MYBPC1: variants seen among roughly 807,000 people sequenced by gnomAD.
The protein encoded by MYBPC1 is myosin-binding protein C, slow-type.
In MYBPC1, 52 loss-of-function variants were observed where a neutral mutation model predicts 147.1. The ratio of observed to expected loss-of-function variants is 0.35; its 90% CI spans 0.28 to 0.45. The LOEUF (loss-of-function observed/expected upper bound fraction) is 0.45. Among genes scored for constraint, MYBPC1 ranks in the 20% least tolerant of loss-of-function variants. MYBPC1 has a pLI of 1.00. For synonymous variants in MYBPC1, 477 were observed against 475.9 expected, an observed-to-expected ratio of 1.00 and a Z score of -0.03; for missense variants, 1,228 against 1,440.3, an observed-to-expected ratio of 0.85 and a Z score of 2.39.
chr12:101,634,658 A>G, intron 9 of MYBPC1, 53 bp downstream of exon 9: 2 of 1,391,146 alleles, frequency 1.4e-6, no homozygotes, highest in Non-Finnish European at 2.0e-6. Context: ...GAAGTGGAGG[A>G]TTTTCAAACA....
At position 101,642,428 on chromosome 12, in the gene MYBPC1, G is replaced by A. The variant is rs376374877; in HGVS notation, c.675G>A (p.Lys225=). Residue 225 remains lysine, a synonymous_variant, in exon 11 of 32, where the codon AAG becomes AAA. Transcript: ENST00000361466. ...FSGLLKRREV[K]QQEEEPQVDV... is the part of the protein sequence containing the mutation. ...GGTTCTCCCCGGTTAGGGAGGTGAAGCAGCAGGAGGAAGAACCCCAGGTGG... is the reference window on the plus strand; with the variant it reads ...GGTTCTCCCCGGTTAGGGAGGTGAAACAGCAGGAGGAAGAACCCCAGGTGG... 5.6e-6 allele frequency: 9 copies of A among 1,614,014 alleles called. No homozygotes were observed. Among genetic ancestry groups the A allele is most frequent in the Non-Finnish European group, 7.6e-6 (9 of 1,180,044 alleles).
chr12:101,661,541 G>C (rs189253559), intron 20 of MYBPC1, among the ~76,000 whole-genome samples: 182 of 152,134 alleles, frequency 1.2e-3, no homozygotes, highest in African/African-American at 4.2e-3. Context: ...CACCATCCTA[G>C]CCAGTGAACG....
rs1184689152 is a variant in MYBPC1, at chr12:101,662,624, G to T, written c.2221+78G>T. On this transcript the variant is annotated intron_variant, in intron 21 of 31. Coordinates refer to ENST00000361466, the MANE Select transcript of MYBPC1 (RefSeq NM_002465.4). ...ACTGCTTTCTCTCTGATCCCTAACTGGAACAGGCCTGGACACTTCTTAGAG... is the reference window on the plus strand; with the variant it reads ...ACTGCTTTCTCTCTGATCCCTAACTTGAACAGGCCTGGACACTTCTTAGAG... 54 of 1,507,624 alleles carry T rather than the reference G, an allele frequency of 3.6e-5. 2 individuals carry two copies. The highest frequency in any genetic ancestry group is 3.6e-5 in the Non-Finnish European group (39 of 1,087,082). The allele number at this position is 1,507,624 out of a possible 1,614,324, so 93.4% of individuals were successfully genotyped here.
chr12:101,690,746 T>G (rs941531051), downstream of MYBPC1, among the ~76,000 whole-genome samples: 14 of 152,170 alleles, frequency 9.2e-5, no homozygotes, highest in Non-Finnish European at 7.4e-5. Context: ...ATTGCGAAAT[T>G]TTGTTTTCTG....
At chr12:101,686,159 A>G (rs540163430), downstream of MYBPC1, 44 of 152,622 alleles carry the variant, frequency 2.9e-4, no homozygotes, top group South Asian at 8.9e-3. Flanking sequence ...TTTGAATGCA[A>G]TAAAACATTT....
intron 31 of MYBPC1, 73 bp from the exon 32 acceptor site, chr12:101,685,509 C>A: frequency 9.8e-7 from 1 of 1,022,602 alleles, no homozygotes; most frequent in Non-Finnish European, 1.5e-6. Flanking sequence ...GGCAGCTAGT[C>A]AAGAAGTATT....
At chr12:101,651,530 T>C in intron 16 of MYBPC1, 137 bp downstream of exon 16, 1 of 1,125,186 alleles carries the variant, frequency 8.9e-7, no homozygotes, top group South Asian at 1.3e-5. Flanking sequence ...CGCTTCCAAC[T>C]AGCAAGAAGG....
At chr12:101,625,707 A>G (rs889068770) in intron 3 of MYBPC1, among the ~76,000 whole-genome samples, 1 of 152,208 alleles carries the variant, frequency 6.6e-6, no homozygotes, top group Non-Finnish European at 1.5e-5. Flanking sequence ...ACCTCTGCCA[A>G]TTAAGATGGT....
rs1446845659 is a variant in MYBPC1 at position 101,662,623 on chromosome 12, T to C, written c.2221+77T>C. The C allele has an allele frequency of 2.7e-6, 4 of 1,506,162 alleles. No homozygotes were observed. In the African/African-American group the frequency reaches 5.5e-5, roughly 21 times the overall value. 93.3% of individuals were successfully genotyped at this position (1,506,162 alleles called of 1,614,324 possible). On this transcript the variant is annotated intron_variant, in intron 21 of 31. Coordinates refer to ENST00000361466, the MANE Select transcript of MYBPC1 (RefSeq NM_002465.4). ...GACTGCTTTCTCTCTGATCCCTAACTGGAACAGGCCTGGACACTTCTTAGA... is the reference window on the plus strand; with the variant it reads ...GACTGCTTTCTCTCTGATCCCTAACCGGAACAGGCCTGGACACTTCTTAGA...
rs530765232 is a variant in MYBPC1, at chr12:101,665,031, A to C, written c.2356+1471A>C. Among the ~76,000 whole-genome samples, 4 of 152,246 alleles carry C rather than the reference A, an allele frequency of 2.6e-5. No homozygotes were observed. In the South Asian group the frequency reaches 8.3e-4, roughly 32 times the overall value. On this transcript the variant is annotated intron_variant, in intron 22 of 31. Coordinates refer to ENST00000361466, the MANE Select transcript of MYBPC1 (RefSeq NM_002465.4). Reference sequence around the variant, plus strand: ...TTTTGTGTATGTATGAATCGAGCAAATTCTTTACTCTTTTCTTTCTGATAG... The same window carrying C: ...TTTTGTGTATGTATGAATCGAGCAACTTCTTTACTCTTTTCTTTCTGATAG...
chr12:101,640,681 T>C (rs1891847650), intron 10 of MYBPC1, among the ~76,000 whole-genome samples: 1 of 152,180 alleles, frequency 6.6e-6, no homozygotes, highest in Non-Finnish European at 1.5e-5. Flanking sequence ...AAGACTTACA[T>C]GGCAATGTAA....
intron 10 of MYBPC1, among the ~76,000 whole-genome samples, chr12:101,641,720 T>A (rs1170729105): frequency 1.3e-5 from 2 of 152,164 alleles, no homozygotes; most frequent in African/African-American, 2.4e-5. Flanking sequence ...AAGAAAATTT[T>A]TAAAACCTAG....
At chr12:101,634,324 AGAC>A (rs1403127097) in intron 8 of MYBPC1, among the ~76,000 whole-genome samples, 4 of 152,208 alleles carry the variant, frequency 2.6e-5, no homozygotes, top group Non-Finnish European at 5.9e-5. Context: ...TCTAGTGGGC[AGAC>A]AAGTTGAATG....
At chr12:101,673,292 C>T (rs1338589062) in intron 24 of MYBPC1, 135 bp from the exon 25 acceptor site, 5 of 828,694 alleles carry the variant, frequency 6.0e-6, no homozygotes, top group Middle Eastern at 3.6e-4. Context: ...TGTAATTGCT[C>T]ACCACCAGAC....
rs779073928 is a variant in MYBPC1, at chr12:101,627,784, C to T, written c.158C>T (p.Ala53Val). Residue 53 changes from alanine to valine, a missense_variant, in exon 5 of 32, where the codon GCC becomes GTC. This residue lies in a region of MYBPC1 where 151 missense variants were observed against 126.1 expected (regional missense o/e 1.20). Transcript: ENST00000361466. ...SALPPGLGSR[A>V]LERKDSDWTL... Reference sequence around the variant, plus strand: ...TTCCTTTCAGGTTTGGGTAGTCGGGCCCTGGAGAGAAAAGATTCAGGTGAG... The same window carrying T: ...TTCCTTTCAGGTTTGGGTAGTCGGGTCCTGGAGAGAAAAGATTCAGGTGAG... 6.2e-7 allele frequency: 1 copy of T among 1,613,836 alleles called. No homozygotes were observed. The highest frequency in any genetic ancestry group is 8.5e-7 in the Non-Finnish European group (1 of 1,179,838).
chr12:101,661,099 C>CTTTTTT, intron 19 of MYBPC1, 59 bp from the exon 20 acceptor site: 1 of 1,103,862 alleles, frequency 9.1e-7, no homozygotes. Context: ...TTCCTATTAA[C>CTTTTTT]TTTTTTTTTC....
intron 2 of MYBPC1, 95 bp from the exon 3 acceptor site, chr12:101,617,107 A>G: frequency 7.1e-6 from 8 of 1,127,318 alleles, no homozygotes; most frequent in African/African-American, 1.5e-5. Flanking sequence ...TTCTGCTGTC[A>G]TTTATTTCTT....
intron 12 of MYBPC1, among the ~76,000 whole-genome samples, 166 bp downstream of exon 12, chr12:101,644,962 ATAGT>A (rs1244072152): frequency 6.6e-6 from 1 of 152,216 alleles, no homozygotes; most frequent in Non-Finnish European, 1.5e-5. Context: ...GGGAAACATG[ATAGT>A]TCTATATAAA....
chr12:101,631,610 ATCT>A lies in MYBPC1; in HGVS notation c.333_335del (p.Leu112del), dbSNP rs1221858870. On this transcript the variant is annotated inframe_deletion, in exon 7 of 32. Coordinates refer to ENST00000361466, the MANE Select transcript of MYBPC1 (RefSeq NM_002465.4). ...TTCATAGCCAAAGTCAAGGCTGAAGATCTTCTGAGAAAACCCACTATCAAATGG... is the reference window on the plus strand; with the variant it reads ...TTCATAGCCAAAGTCAAGGCTGAAGATCTGAGAAAACCCACTATCAAATGG... The A allele has an allele frequency of 4.3e-6, 7 of 1,614,226 alleles. No individual in the cohort carries two copies. Among genetic ancestry groups the A allele is most frequent in the Non-Finnish European group, 5.1e-6 (6 of 1,180,030 alleles).
Sources: allele counts gnomAD v4.1 joint callset (sites outside exome capture counted in the v4.1 genomes callset), GRCh38; gene constraint gnomAD v4.1.1; regional missense constraint gnomAD v4.1.1; transcripts MANE v1.5; gene names NCBI Gene and HGNC (gene_info 2026-07-23, HGNC 2026-07-21).